RYR3: variants seen among roughly 807,000 people sequenced by gnomAD.
The protein encoded by RYR3 is ryanodine receptor 3.
A neutral mutation model predicts 584.3 loss-of-function variants in RYR3; 207 were observed. That is an observed-to-expected ratio of 0.35 (90% confidence interval 0.32 to 0.40). The LOEUF (loss-of-function observed/expected upper bound fraction) is 0.40, where lower values mean the gene tolerates loss of function less well. Among genes scored for constraint, RYR3 ranks in the 10% least tolerant of loss-of-function variants. The pLI is 1.00. For missense variants in RYR3, 5,616 were observed against 6,089.2 expected, an observed-to-expected ratio of 0.92 and a Z score of 2.59; for synonymous variants, 2,416 against 2,248.5, an observed-to-expected ratio of 1.07 and a Z score of -2.11.
intron 9 of RYR3, 112 bp from the exon 10 acceptor site, chr15:33,550,048 G>A: frequency 3.6e-6 from 4 of 1,111,146 alleles, no homozygotes; most frequent in Non-Finnish European, 2.5e-6. Flanking sequence ...CCTTAAGGAT[G>A]GACACCAGAA....
At chr15:33,519,931 C>T (rs567379522) in intron 3 of RYR3, among the ~76,000 whole-genome samples, 2 of 152,122 alleles carry the variant, frequency 1.3e-5, no homozygotes, top group South Asian at 4.2e-4. Context: ...AAACTTGGCC[C>T]CATGCTCATT....
chr15:33,554,291 CTTTT>C lies in RYR3; in HGVS notation c.972+3993_972+3996del, dbSNP rs71117147. On this transcript the variant is annotated intron_variant, in intron 10 of 103. Transcript: ENST00000634891. Reference sequence around the variant, plus strand: ...TCCATTTCATTCTAACCTCCATTATCTTTTTTTTTTTTTTTTTTTTTGAGGTGGA... The same window carrying C: ...TCCATTTCATTCTAACCTCCATTATCTTTTTTTTTTTTTTTTTGAGGTGGA... Among the ~76,000 whole-genome samples, 217 of 126,414 alleles carry C rather than the reference CTTTT, an allele frequency of 1.7e-3. 1 individual carries two copies. Among genetic ancestry groups the C allele is most frequent in the South Asian group, 2.3e-3 (9 of 3,896 alleles). 82.9% of individuals were successfully genotyped at this position (126,414 alleles called of 152,430 possible).
intron 38 of RYR3, among the ~76,000 whole-genome samples, chr15:33,695,814 C>T (rs960518705): frequency 1.3e-5 from 2 of 151,578 alleles, no homozygotes; most frequent in African/African-American, 2.4e-5. Context: ...GAGACAGAGT[C>T]TCACTCTGTT....
intron 10 of RYR3, among the ~76,000 whole-genome samples, chr15:33,555,560 C>T (rs1006824181): frequency 2.0e-5 from 3 of 152,088 alleles, no homozygotes. Context: ...GTGGAAGAAG[C>T]CTGGGTTTGA....
intron 11 of RYR3, among the ~76,000 whole-genome samples, chr15:33,565,498 A>G (rs768467219): frequency 6.6e-6 from 1 of 152,204 alleles, no homozygotes; most frequent in African/African-American, 2.4e-5. Context: ...AAAGGAAGAG[A>G]TGTTTCACAT....
intron 5 of RYR3, 105 bp downstream of exon 5, chr15:33,533,494 C>T (rs1374894865): frequency 1.3e-5 from 9 of 711,150 alleles, no homozygotes; most frequent in Non-Finnish European, 2.2e-5. Flanking sequence ...CCAAACCAAC[C>T]TGGTTAAGAA....
chr15:33,741,824 C>T (rs1486915287), intron 51 of RYR3, among the ~76,000 whole-genome samples: 1 of 152,060 alleles, frequency 6.6e-6, no homozygotes, highest in Non-Finnish European at 1.5e-5. Context: ...CCGTGTTAGC[C>T]AGGATGGTCT....
intron 86 of RYR3, among the ~76,000 whole-genome samples, chr15:33,834,144 C>T (rs911930234): frequency 5.9e-5 from 9 of 152,086 alleles, no homozygotes; most frequent in African/African-American, 2.2e-4. Context: ...ATCAGCCAGG[C>T]GTGGTGGCAC....
rs751701727 is a variant in RYR3, at chr15:33,853,653, C to G, written c.13770C>G (p.Thr4590=). 1.9e-6 allele frequency: 3 copies of G among 1,613,774 alleles called. No individual in the cohort carries two copies. Among genetic ancestry groups the G allele is most frequent in the East Asian group, 2.2e-5 (1 of 44,878 alleles). Residue 4590 remains threonine (T), a synonymous_variant, in exon 96 of 104, where the codon ACC becomes ACG. Coordinates refer to ENST00000634891, the MANE Select transcript of RYR3 (RefSeq NM_001036.6). The part of the protein sequence containing the change: ...NALDFSPVEE[T]KAEAASLVSW... The stretch of plus-strand genomic sequence containing the variant: ...TTGACTTTAGCCCAGTAGAAGAGAC[C>G]AAAGCAGAAGCGGCTTCTCTGGTGT...
At chr15:33,825,207 A>G (rs899443033) in intron 81 of RYR3, among the ~76,000 whole-genome samples, 1 of 152,244 alleles carries the variant, frequency 6.6e-6, no homozygotes, top group Non-Finnish European at 1.5e-5. Flanking sequence ...GGAGGCAAAC[A>G]TTAATCAGTG....
intron 16 of RYR3, among the ~76,000 whole-genome samples, chr15:33,587,608 C>G (rs2058921651): frequency 1.3e-5 from 2 of 152,148 alleles, no homozygotes; most frequent in Admixed American, 1.3e-4. Flanking sequence ...ATCAGAGTAG[C>G]CTTTAATCTT....
chr15:33,400,894 A>G (rs2042617665), intron 1 of RYR3, among the ~76,000 whole-genome samples: 1 of 152,224 alleles, frequency 6.6e-6, no homozygotes, highest in South Asian at 2.1e-4. Flanking sequence ...TCTTTGAGCC[A>G]CAGTTTGGGT....
chr15:33,865,290 T>G lies in RYR3; in HGVS notation c.*64T>G. On this transcript the variant is annotated 3_prime_UTR_variant, in exon 104 of 104. Transcript: ENST00000634891. ...CTTCCCATGAAATAAAGTCCCCTTT[T>G]TACAGTTCTGCAACATATCTGAAAT... 1 of 1,169,056 alleles carries G rather than the reference T, an allele frequency of 8.6e-7. No homozygotes were observed. The highest frequency in any genetic ancestry group is 1.3e-6 in the Non-Finnish European group (1 of 791,828). 72.4% of individuals were successfully genotyped at this position (1,169,056 alleles called of 1,614,324 possible).
chr15:33,447,790 T>C (rs576358761), intron 1 of RYR3, among the ~76,000 whole-genome samples: 2 of 152,300 alleles, frequency 1.3e-5, no homozygotes, highest in East Asian at 3.9e-4. Context: ...GAAAGTTCTT[T>C]TGTTCAGCAT....
chr15:33,704,821 G>A (rs2066571813), intron 42 of RYR3, among the ~76,000 whole-genome samples: 1 of 152,168 alleles, frequency 6.6e-6, no homozygotes, highest in Admixed American at 6.5e-5. Flanking sequence ...AGCTGGAGAG[G>A]GAAGAAATGG....
At position 33,816,867 on chromosome 15, in the gene RYR3, G is replaced by T; in HGVS notation, c.10508G>T (p.Arg3503Leu). ...CTCTCACCCCTTCCGCTCAGGCACC[G>T]CTCTATTAACCTCTTCCTCCATGGC... ...MAPLYNLPRH[R>L]SINLFLHGYQ... The change falls in exon 75 of 104, where the codon CGC becomes CTC. Residue 3503 changes from arginine to leucine, a missense_variant. This residue lies in a region of RYR3 where 954 missense variants were observed against 1,132.2 expected (regional missense o/e 0.84). Transcript: ENST00000634891. 1 of 1,609,862 alleles carries T rather than the reference G, an allele frequency of 6.2e-7. No homozygotes were observed. Among genetic ancestry groups the T allele is most frequent in the Non-Finnish European group, 8.5e-7 (1 of 1,177,236 alleles).
chr15:33,346,135 C>A (rs1972433427), intron 1 of RYR3, among the ~76,000 whole-genome samples: 1 of 152,050 alleles, frequency 6.6e-6, no homozygotes, highest in Non-Finnish European at 1.5e-5. Context: ...GGATATTGAT[C>A]TTTGTGGTTG....
intron 1 of RYR3, among the ~76,000 whole-genome samples, chr15:33,340,622 G>C (rs1435145240): frequency 6.6e-6 from 1 of 152,082 alleles, no homozygotes; most frequent in African/African-American, 2.4e-5. Context: ...TCCTCATGTG[G>C]CCTTTTCTCT....
At chr15:33,554,234 T>C (rs1036849776) in intron 10 of RYR3, among the ~76,000 whole-genome samples, 1 of 152,016 alleles carries the variant, frequency 6.6e-6, no homozygotes, top group Admixed American at 6.5e-5. Context: ...AAGGGTTACA[T>C]CAGTGTGGTC....
Sources: gnomAD v4.1 joint callset for allele counts (sites outside exome capture counted in the v4.1 genomes callset) on GRCh38, gnomAD v4.1.1 for gene constraint, gnomAD v4.1.1 regional missense constraint, MANE v1.5 for transcripts, NCBI Gene and HGNC (gene_info 2026-07-23, HGNC 2026-07-21) for gene names.